Variants in PAPPA observed in about 807,000 individuals in gnomAD.
The protein encoded by PAPPA is pappalysin-1.
Under a neutral mutation model 164.0 loss-of-function variants are expected in PAPPA, and 60 were observed. That is an observed-to-expected ratio of 0.37 (90% CI 0.30 to 0.45). The LOEUF is 0.45. Among genes scored for constraint, PAPPA ranks in the 20% least tolerant of loss-of-function variants. The pLI is 1.00. For synonymous variants in PAPPA, 875 were observed against 814.1 expected, an observed-to-expected ratio of 1.07 and a Z score of -1.27; for missense variants, 1,782 against 2,087.3, an observed-to-expected ratio of 0.85 and a Z score of 2.85.
rs556768221 is a variant in PAPPA, at chr9:116,315,474, G to A, written c.3147+12524G>A. Among the ~76,000 whole-genome samples the A allele has an allele frequency of 2.6e-5, 4 of 152,292 alleles. No individual in the cohort carries two copies. The East Asian group carries it at 7.7e-4, about 29-fold the overall frequency. On this transcript the variant is annotated intron_variant, in intron 10 of 21. Coordinates refer to ENST00000328252, the MANE Select transcript of PAPPA (RefSeq NM_002581.5). ...TCATGATAAATACTGATAAATAAAT[G>A]TTTTTTTCTCTGCTAACAGCTTTGG...
rs1844656065 is a variant in PAPPA, at chr9:116,235,657, A to G, written c.2732+20A>G. 6.2e-7 allele frequency: 1 copy of G among 1,612,110 alleles called. No homozygotes were observed. Among genetic ancestry groups the G allele is most frequent in the East Asian group, 2.2e-5 (1 of 44,878 alleles). On this transcript the variant is annotated intron_variant, in intron 7 of 21. Transcript: ENST00000328252. ...AGACATGTAAGTGCATTCTCTGAAT[A>G]GGGAGTTTATTAAGTGGGTGGGTTG...
chr9:116,212,478 C>A (rs1844320397), intron 4 of PAPPA, among the ~76,000 whole-genome samples: 1 of 152,140 alleles, frequency 6.6e-6, no homozygotes, highest in South Asian at 2.1e-4. Context: ...AACAAGACAC[C>A]CCTTCCTCAG....
intron 2 of PAPPA, among the ~76,000 whole-genome samples, chr9:116,193,555 C>T (rs1173065931): frequency 6.6e-6 from 1 of 152,086 alleles, no homozygotes; most frequent in African/African-American, 2.4e-5. Context: ...GGCTGAGCTG[C>T]GATGGAGACC....
chr9:116,200,702 T>C (rs546634640), intron 2 of PAPPA, among the ~76,000 whole-genome samples: 3 of 152,194 alleles, frequency 2.0e-5, no homozygotes, highest in Non-Finnish European at 4.4e-5. Context: ...ATCATGCTTT[T>C]TTTCATTGTC....
rs538300729 is a variant in PAPPA, at chr9:116,261,992, C to T, written c.2733-3865C>T. ...CTTTGGGAGGCCGAGTGAGGAGGCTCACTGGATCCCAGGTGTTCTAAACCA... is the reference window on the plus strand; with the variant it reads ...CTTTGGGAGGCCGAGTGAGGAGGCTTACTGGATCCCAGGTGTTCTAAACCA... On this transcript the variant is annotated intron_variant, in intron 7 of 21. Coordinates refer to ENST00000328252, the MANE Select transcript of PAPPA (RefSeq NM_002581.5). 9.2e-4 allele frequency among the ~76,000 whole-genome samples: 140 copies of T among 152,076 alleles called. 1 individual carries two copies. The South Asian group carries it at 0.016, about 17-fold the overall frequency.
At chr9:116,346,068 C>A (rs897090390) in intron 14 of PAPPA, among the ~76,000 whole-genome samples, 2 of 152,152 alleles carry the variant, frequency 1.3e-5, no homozygotes, top group Non-Finnish European at 2.9e-5. Flanking sequence ...AACAATTAGA[C>A]TGTTTTGGCA....
chr9:116,230,184 T>C (rs1216538206), intron 6 of PAPPA, among the ~76,000 whole-genome samples: 4 of 152,160 alleles, frequency 2.6e-5, no homozygotes, highest in African/African-American at 7.2e-5. Context: ...GACACTGTTC[T>C]TTTTTTAGAG....
chr9:116,192,344 C>T (rs951392574), intron 2 of PAPPA, among the ~76,000 whole-genome samples: 1 of 152,042 alleles, frequency 6.6e-6, no homozygotes, highest in African/African-American at 2.4e-5. Flanking sequence ...TAGAAGAGAG[C>T]ATGGAGTTTA....
chr9:116,284,961 A>G (rs1399878139), intron 9 of PAPPA, among the ~76,000 whole-genome samples: 2 of 151,950 alleles, frequency 1.3e-5, no homozygotes, highest in African/African-American at 4.8e-5. Flanking sequence ...GCTTGCCCCA[A>G]TCTACCTGCC....
chr9:116,357,498 C>T (rs1052381550), intron 17 of PAPPA, among the ~76,000 whole-genome samples: 1 of 152,228 alleles, frequency 6.6e-6, no homozygotes, highest in Admixed American at 6.5e-5. Context: ...CCCCATTTTA[C>T]AGATGCAGAA....
At chr9:116,272,357 G>A (rs751758803) in intron 9 of PAPPA, among the ~76,000 whole-genome samples, 65 of 152,282 alleles carry the variant, frequency 4.3e-4, no homozygotes, top group African/African-American at 1.4e-3. Flanking sequence ...AGTTACAAGC[G>A]GATGAAAACC....
At chr9:116,334,373 T>G (rs1846033005) in intron 12 of PAPPA, among the ~76,000 whole-genome samples, 1 of 152,064 alleles carries the variant, frequency 6.6e-6, no homozygotes, top group South Asian at 2.1e-4. Flanking sequence ...TTCTGCAGAC[T>G]AAGCAAGAAG....
intron 9 of PAPPA, among the ~76,000 whole-genome samples, chr9:116,279,730 C>G (rs1426973591): frequency 6.6e-6 from 1 of 152,208 alleles, no homozygotes; most frequent in Non-Finnish European, 1.5e-5. Context: ...TTCATCTGCA[C>G]ATACATGTGC....
chr9:116,362,113 C>T (rs1846435428), intron 17 of PAPPA, among the ~76,000 whole-genome samples: 1 of 152,032 alleles, frequency 6.6e-6, no homozygotes, highest in African/African-American at 2.4e-5. Flanking sequence ...CTCAGCTAGA[C>T]CCAGATTATT....
rs767701180 is a variant in PAPPA, at chr9:116,332,356, T to G, written c.3285T>G (p.Val1095=). 4 of 1,613,780 alleles carry G rather than the reference T, an allele frequency of 2.5e-6. No individual in the cohort carries two copies. In the East Asian group the frequency reaches 6.7e-5, roughly 27 times the overall value. The change falls in exon 12 of 22, where the codon GTT becomes GTG. Residue 1095 remains valine, a synonymous_variant. Transcript: ENST00000328252. The part of the protein sequence containing the change: ...WLRAYFSQPM[V]AAAVIVHLVT... ...AGGCGTATTTTTCTCAACCAATGGT[T>G]GCCGCAGCTGTCATTGTCCACCTGG...
chr9:116,285,246 T>C (rs1000738078), intron 9 of PAPPA, among the ~76,000 whole-genome samples: 4 of 141,772 alleles, frequency 2.8e-5, no homozygotes, highest in African/African-American at 1.0e-4. Context: ...CTGGGCTCAC[T>C]GCAACCTCCA....
intron 9 of PAPPA, among the ~76,000 whole-genome samples, chr9:116,292,911 A>G (rs1437252789): frequency 6.6e-6 from 1 of 152,156 alleles, no homozygotes; most frequent in Non-Finnish European, 1.5e-5. Flanking sequence ...GGAGGATCCC[A>G]GACAACTAGG....
At position 116,398,647 on chromosome 9, in the gene PAPPA, CA is replaced by C. The variant is rs910708442; in HGVS notation, c.*2034del. 1 of 657,260 alleles carries C rather than the reference CA, an allele frequency of 1.5e-6. No individual in the cohort carries two copies. The highest frequency in any genetic ancestry group is 1.9e-5 in the African/African-American group (1 of 53,882). 40.7% of individuals were successfully genotyped at this position (657,260 alleles called of 1,614,324 possible). ...AAGGTGCTTTTGGCACAGGTGCCCA[CA>C]AATACGGATGCAGTGCTGAGATAGT... On this transcript the variant is annotated 3_prime_UTR_variant, in exon 22 of 22. Coordinates refer to ENST00000328252, the MANE Select transcript of PAPPA (RefSeq NM_002581.5).
intron 1 of PAPPA, among the ~76,000 whole-genome samples, chr9:116,164,707 C>T (rs1843701961): frequency 6.6e-6 from 1 of 152,124 alleles, no homozygotes; most frequent in East Asian, 1.9e-4. Context: ...GGTGGCTCGG[C>T]AGAATGTGGC....
Sources: allele counts gnomAD v4.1 joint callset (sites outside exome capture counted in the v4.1 genomes callset), GRCh38; gene constraint gnomAD v4.1.1; transcripts MANE v1.5; gene names NCBI Gene and HGNC (gene_info 2026-07-23, HGNC 2026-07-21).